Variants in ADGRL4 observed in about 807,000 individuals in gnomAD.
ADGRL4 encodes EGF, latrophilin and seven transmembrane domain containing 1.
Under a neutral mutation model 74.8 loss-of-function variants are expected in ADGRL4, and 90 were observed. The ratio of observed to expected loss-of-function variants is 1.20; its 90% CI spans 1.02 to 1.43. ADGRL4 has a LOEUF of 1.43. ADGRL4 is among the 40% of genes most tolerant of loss of function. The pLI, the probability that ADGRL4 is intolerant of heterozygous loss-of-function variation, is 0.00. For missense variants in ADGRL4, 881 were observed against 814.3 expected, an observed-to-expected ratio of 1.08 and a Z score of -1.00; for synonymous variants, 311 against 279.2, an observed-to-expected ratio of 1.11 and a Z score of -1.14.
At chr1:78,935,951 G>A (rs1649343181) in intron 7 of ADGRL4, among the ~76,000 whole-genome samples, 1 of 61,480 alleles carries the variant, frequency 1.6e-5, no homozygotes. Context: ...GTGAAACCCC[G>A]TCTCTACTAA....
rs371749654 is a variant in ADGRL4 at position 78,939,223 on chromosome 1, A to T, written c.361T>A (p.Cys121Ser). 173 of 1,569,052 alleles carry T rather than the reference A, an allele frequency of 1.1e-4. No individual in the cohort carries two copies. The highest frequency in any genetic ancestry group is 1.7e-4 in the Middle Eastern group (1 of 5,896). ...GTTTTATTAATATTTGCAGCTATAC[A>T]GACATTATCTAAATGGCAGTTTGCA... ...VNANCHLDNV[C>S]IAANINKTLT... Residue 121 changes from cysteine (C) to serine (S), a missense_variant, in exon 4 of 15, where the codon TGT becomes AGT. Coordinates refer to ENST00000370742, the MANE Select transcript of ADGRL4 (RefSeq NM_022159.4).
intron 2 of ADGRL4, among the ~76,000 whole-genome samples, chr1:78,964,278 T>C (rs1650012476): frequency 6.6e-6 from 1 of 152,224 alleles, no homozygotes; most frequent in Admixed American, 6.5e-5. Context: ...ATCACTCTAG[T>C]GCTTTTCTAG....
intron 2 of ADGRL4, among the ~76,000 whole-genome samples, chr1:78,999,679 G>A (rs1235282519): frequency 6.6e-6 from 1 of 152,128 alleles, no homozygotes; most frequent in Non-Finnish European, 1.5e-5. Context: ...CAGTCACCGT[G>A]TTCACTTTGC....
intron 2 of ADGRL4, among the ~76,000 whole-genome samples, chr1:78,962,031 C>T (rs1371022458): frequency 6.6e-6 from 1 of 152,090 alleles, no homozygotes; most frequent in Non-Finnish European, 1.5e-5. Context: ...CAGGCATGCG[C>T]CATCACACCT....
At chr1:78,941,481 G>A (rs1649480170) in intron 3 of ADGRL4, among the ~76,000 whole-genome samples, 2 of 152,078 alleles carry the variant, frequency 1.3e-5, no homozygotes, top group Admixed American at 1.3e-4. Context: ...TATGTTCTTT[G>A]AATACCCTTG....
intron 7 of ADGRL4, among the ~76,000 whole-genome samples, chr1:78,933,349 T>A (rs1405881054): frequency 3.3e-5 from 5 of 151,460 alleles, no homozygotes. Flanking sequence ...TCTCAATAGA[T>A]GCAGAAAAGG....
intron 12 of ADGRL4, among the ~76,000 whole-genome samples, chr1:78,905,251 T>A (rs1648610837): frequency 6.6e-6 from 1 of 152,172 alleles, no homozygotes; most frequent in Middle Eastern, 3.4e-3. Flanking sequence ...GAAACTTCTC[T>A]GGGGTAGAAT....
At chr1:78,976,764 A>C (rs1302348638) in intron 2 of ADGRL4, among the ~76,000 whole-genome samples, 1 of 151,320 alleles carries the variant, frequency 6.6e-6, no homozygotes, top group Non-Finnish European at 1.5e-5. Flanking sequence ...ATATTTTTTA[A>C]GAAATTGAAC....
chr1:78,949,578 T>C (rs1478255525), intron 2 of ADGRL4, among the ~76,000 whole-genome samples: 1 of 152,140 alleles, frequency 6.6e-6, no homozygotes, highest in Admixed American at 6.6e-5. Flanking sequence ...CTTTGTGAAG[T>C]AATATATAAA....
rs1046576723 is a variant in ADGRL4, at chr1:78,938,218, T to C, written c.458A>G (p.Asp153Gly). The change falls in exon 5 of 15, where the codon GAT becomes GGT. Residue 153 changes from aspartate to glycine, a missense_variant. Transcript: ENST00000370742. ...TGTAATTATATCTGTTGGTGAAAGA[T>C]CTGTCACAGAATTTCTATAGACTTC... Reference protein sequence around the residue: ...LQEVYRNSVTDLSPTDIITYI... With the variant: ...LQEVYRNSVTGLSPTDIITYI... The C allele has an allele frequency of 5.0e-6, 8 of 1,611,540 alleles. 1 individual carries two copies. In the East Asian group the frequency reaches 1.6e-4, roughly 32 times the overall value.
chr1:78,979,012 G>T (rs1650348683), intron 2 of ADGRL4, among the ~76,000 whole-genome samples: 6 of 151,790 alleles, frequency 4.0e-5, no homozygotes, highest in Admixed American at 3.9e-4. Flanking sequence ...TTACATTTGA[G>T]AACACATTTC....
At chr1:78,976,510 A>G (rs1650285405) in intron 2 of ADGRL4, among the ~76,000 whole-genome samples, 1 of 151,876 alleles carries the variant, frequency 6.6e-6, no homozygotes, top group Non-Finnish European at 1.5e-5. Context: ...TGTCTGTTTT[A>G]GTTTTTCATT....
At chr1:78,949,007 A>T (rs1649668972) in intron 2 of ADGRL4, among the ~76,000 whole-genome samples, 1 of 152,120 alleles carries the variant, frequency 6.6e-6, no homozygotes, top group African/African-American at 2.4e-5. Context: ...TTATCTTTAA[A>T]TTTGACTCCC....
At position 78,946,348 on chromosome 1, in the gene ADGRL4, C is replaced by A; in HGVS notation, c.251G>T (p.Cys84Phe). 6.2e-7 allele frequency: 1 copy of A among 1,613,340 alleles called. No homozygotes were observed. Among genetic ancestry groups the A allele is most frequent in the South Asian group, 1.1e-5 (1 of 91,018 alleles). ...NCTNTEGSYYCMCVPGFRSSS... is the reference protein window; with the variant it reads ...NCTNTEGSYYFMCVPGFRSSS... ...GGATCTGAAGCCAGGTACACACATA[C>A]AATAATAACTTCCTTCTGTGTTAGT... is the stretch of plus-strand genomic sequence containing the variant. Residue 84 changes from cysteine to phenylalanine, a missense_variant, in exon 3 of 15, where the codon TGT becomes TTT. Transcript: ENST00000370742.
intron 4 of ADGRL4, among the ~76,000 whole-genome samples, chr1:78,938,735 A>T (rs1363823828): frequency 6.6e-6 from 1 of 152,052 alleles, no homozygotes; most frequent in Non-Finnish European, 1.5e-5. Flanking sequence ...TTAAACTGAC[A>T]GTTTATTACT....
At chr1:78,922,971 G>A (rs1414025963) in intron 8 of ADGRL4, among the ~76,000 whole-genome samples, 1 of 151,910 alleles carries the variant, frequency 6.6e-6, no homozygotes, top group African/African-American at 2.4e-5. Context: ...GTTTTAATGG[G>A]ATAGATGCTA....
intron 12 of ADGRL4, among the ~76,000 whole-genome samples, chr1:78,911,871 C>T (rs1328468220): frequency 6.6e-6 from 1 of 151,848 alleles, no homozygotes; most frequent in Non-Finnish European, 1.5e-5. Context: ...TCATTAACTT[C>T]ATCTGCATAT....
intron 2 of ADGRL4, among the ~76,000 whole-genome samples, chr1:78,971,358 A>G (rs1025519652): frequency 2.0e-5 from 3 of 152,070 alleles, no homozygotes; most frequent in African/African-American, 7.2e-5. Flanking sequence ...TACATGTGTC[A>G]TGTTGGTAGA....
In ADGRL4 at chr1:78,890,236, AAAT is replaced by A. The variant is rs1193819508; in HGVS notation, c.*915_*917del. The A allele has an allele frequency of 6.6e-6, 1 of 152,598 alleles. No individual in the cohort carries two copies. Among genetic ancestry groups the A allele is most frequent in the African/African-American group, 2.4e-5 (1 of 41,460 alleles). 9.5% of individuals were successfully genotyped at this position (152,598 alleles called of 1,614,324 possible). On this transcript the variant is annotated 3_prime_UTR_variant, in exon 15 of 15. Coordinates refer to ENST00000370742, the MANE Select transcript of ADGRL4 (RefSeq NM_022159.4). ...TGAACTGTGATATTTATAAAATTAA[AAAT>A]AATAAAGGATTCAAATATACTAATG... is the stretch of plus-strand genomic sequence containing the variant.
Sources: allele counts gnomAD v4.1 joint callset (sites outside exome capture counted in the v4.1 genomes callset), GRCh38; gene constraint gnomAD v4.1.1; transcripts MANE v1.5; gene names NCBI Gene and HGNC (gene_info 2026-07-23, HGNC 2026-07-21).